The following B4GALNT2 variants were observed in gnomAD, a reference collection of about 807,000 sequenced individuals.
B4GALNT2 encodes the protein N-acetylneuraminylgalactosylglucosyl-glucoside beta-1,4-N- acetylgalactosaminyltransferase 2.
In B4GALNT2, 42 loss-of-function variants were observed where a neutral mutation model predicts 51.1. The ratio of observed to expected loss-of-function variants is 0.82; its 90% confidence interval spans 0.64 to 1.06. The LOEUF (loss-of-function observed/expected upper bound fraction) is 1.06, where lower values mean the gene tolerates loss of function less well. Among genes scored for constraint, B4GALNT2 ranks in the 50% least tolerant of loss-of-function variants. B4GALNT2 has a pLI of 0.00. For missense variants in B4GALNT2, 602 were observed against 633.6 expected (o/e 0.95, Z 0.54); for synonymous variants, 253 against 251.7 (o/e 1.01, Z -0.05).
At chr17:49,123,531 G>A in the B4GALNT2 span, among the ~76,000 whole-genome samples, 1 of 152,100 alleles carries the variant, frequency 6.6e-6, no homozygotes, top group Non-Finnish European at 1.5e-5. Context: ...ATCATGGTAG[G>A]AATGGCTTGT....
At chr17:49,141,107 C>T (rs2042639690) in intron 1 of B4GALNT2, 140 bp from the exon 2 acceptor site, 1 of 729,006 alleles carries the variant, frequency 1.4e-6, no homozygotes, top group Non-Finnish European at 2.3e-6. Context: ...CTTTCCTCCT[C>T]TGTTTATCAG....
In B4GALNT2 at chr17:49,132,934, C is replaced by A. The variant is rs1348012668; in HGVS notation, c.14+128C>A. On this transcript the variant is annotated intron_variant, in intron 1 of 10. Transcript: ENST00000393354. ...GCAGACGCCGGAGCCAGGGAGCGGGCGGTTGGAGTCTTAAGTCCAACCGGT... is the reference window on the plus strand; with the variant it reads ...GCAGACGCCGGAGCCAGGGAGCGGGAGGTTGGAGTCTTAAGTCCAACCGGT... 5 of 1,380,448 alleles carry A rather than the reference C, an allele frequency of 3.6e-6. No homozygotes were observed. The African/African-American group carries it at 4.6e-5, about 13-fold the overall frequency. 85.5% of individuals were successfully genotyped at this position (1,380,448 alleles called of 1,614,324 possible). A position where few individuals can be genotyped will look rare whatever the true frequency, so the allele number is the denominator to read the frequency against.
intron 9 of B4GALNT2, among the ~76,000 whole-genome samples, chr17:49,168,058 A>G (rs2042926998): frequency 6.6e-6 from 1 of 152,224 alleles, no homozygotes; most frequent in South Asian, 2.1e-4. Flanking sequence ...CAGAAGGGTC[A>G]TTTATTAAAA....
In B4GALNT2 at chr17:49,164,282, C is replaced by A. The variant is rs780698647; in HGVS notation, c.954+7C>A. Reference sequence around the variant, plus strand: ...CACTATGCCCTTTGGGAAGGTATGTCCCTCTCAGATTGGGTGGCACCTGCA... The same window carrying A: ...CACTATGCCCTTTGGGAAGGTATGTACCTCTCAGATTGGGTGGCACCTGCA... On this transcript the variant is annotated splice_region_variant and intron_variant, in intron 8 of 10. Coordinates refer to ENST00000393354, the MANE Select transcript of B4GALNT2 (RefSeq NM_001159387.2). 1 of 1,606,496 alleles carries A rather than the reference C, an allele frequency of 6.2e-7. No homozygotes were observed. Among genetic ancestry groups the A allele is most frequent in the Non-Finnish European group, 8.5e-7 (1 of 1,173,220 alleles).
intron 1 of B4GALNT2, among the ~76,000 whole-genome samples, chr17:49,134,987 T>A (rs2042577367): frequency 1.3e-5 from 2 of 152,244 alleles, no homozygotes; most frequent in Non-Finnish European, 2.9e-5. Context: ...AACCATGCCC[T>A]TGGACTTCCT....
At chr17:49,137,044 A>C (rs775348183) in intron 1 of B4GALNT2, among the ~76,000 whole-genome samples, 2 of 151,920 alleles carry the variant, frequency 1.3e-5, no homozygotes, top group Non-Finnish European at 2.9e-5. Flanking sequence ...ATGTCTGCTC[A>C]GTTCATTACC....
intron 5 of B4GALNT2, among the ~76,000 whole-genome samples, chr17:49,157,616 C>A (rs2042823200): frequency 6.6e-6 from 1 of 152,124 alleles, no homozygotes; most frequent in African/African-American, 2.4e-5. Flanking sequence ...CCGTGTCTGG[C>A]CCCTGGTTAC....
At chr17:49,137,258 C>A (rs2042599432) in intron 1 of B4GALNT2, among the ~76,000 whole-genome samples, 1 of 152,122 alleles carries the variant, frequency 6.6e-6, no homozygotes, top group African/African-American at 2.4e-5. Context: ...AACTTCATCC[C>A]CAATTAGACA....
rs1470286378 is a variant in B4GALNT2 at position 49,164,081 on chromosome 17, T to G, written c.767-7T>G. On this transcript the variant is annotated splice_region_variant and splice_polypyrimidine_tract_variant and intron_variant, in intron 7 of 10. Coordinates refer to ENST00000393354, the MANE Select transcript of B4GALNT2 (RefSeq NM_001159387.2). ...CAGAGCTCTGACACCCACTGTTTTC[T>G]GCCCAGAGAGGAAGCTCAGAAACCT... The G allele has an allele frequency of 1.2e-6, 2 of 1,613,100 alleles. No individual in the cohort carries two copies. The highest frequency in any genetic ancestry group is 1.7e-6 in the Non-Finnish European group (2 of 1,179,340).
At chr17:49,131,584 C>T (rs1377896455), upstream of B4GALNT2, among the ~76,000 whole-genome samples, 1 of 151,738 alleles carries the variant, frequency 6.6e-6, no homozygotes, top group Non-Finnish European at 1.5e-5. Flanking sequence ...CTCACTGCAA[C>T]CTCTGCCACC....
At chr17:49,153,801 C>G (rs1430196459) in intron 4 of B4GALNT2, among the ~76,000 whole-genome samples, 1 of 152,016 alleles carries the variant, frequency 6.6e-6, no homozygotes, top group East Asian at 1.9e-4. Context: ...AGCCACCGCG[C>G]CTGGCTTGAT....
intron 9 of B4GALNT2, among the ~76,000 whole-genome samples, chr17:49,166,965 C>T (rs528281800): frequency 6.6e-6 from 1 of 151,870 alleles, no homozygotes; most frequent in East Asian, 1.9e-4. Flanking sequence ...TGACACCTGT[C>T]TCAAAAAAAG....
chr17:49,174,166 T>C lies in B4GALNT2; in HGVS notation c.*4438T>C, dbSNP rs1414500269. On this transcript the variant is annotated 3_prime_UTR_variant, in exon 11 of 11. Transcript: ENST00000393354. ...GTCAGGAGCTATAATTAAACCAGCA[T>C]GAGAAATCAAATTTTGCAAGTGATC... 6.6e-6 allele frequency: 1 copy of C among 152,134 alleles called. No homozygotes were observed. Among genetic ancestry groups the C allele is most frequent in the Non-Finnish European group, 1.5e-5 (1 of 68,032 alleles). The allele number at this position is 152,134 out of a possible 1,614,324, so 9.4% of individuals were successfully genotyped here. A position where few individuals can be genotyped will look rare whatever the true frequency, so the allele number is the denominator to read the frequency against.
Position 49,155,418 on chromosome 17 carries a change from C to T in B4GALNT2, c.461-1148C>T, listed in dbSNP as rs562872710. Among the ~76,000 whole-genome samples the T allele has an allele frequency of 2.0e-5, 3 of 149,484 alleles. No individual in the cohort carries two copies. The East Asian group carries it at 5.9e-4, about 30-fold the overall frequency. On this transcript the variant is annotated intron_variant, in intron 4 of 10. Transcript: ENST00000393354. ...AGGAGTTTGAAACCAGCCTGACCAA[C>T]ATGGTGAAACCCCATCTCCACTAAA...
At position 49,175,962 on chromosome 17, in the gene B4GALNT2, C is replaced by A. The variant is rs769298901; in HGVS notation, c.*6234C>A. 1 of 152,222 alleles carries A rather than the reference C, an allele frequency of 6.6e-6. No homozygotes were observed. Among genetic ancestry groups the A allele is most frequent in the Non-Finnish European group, 1.5e-5 (1 of 68,038 alleles). The allele number at this position is 152,222 out of a possible 1,614,324, so 9.4% of individuals were successfully genotyped here. ...AGCAAACAAACCTGCTGTGTCATCT[C>A]TTCTGTTACTTTGTTATACTTTCCT... On this transcript the variant is annotated 3_prime_UTR_variant, in exon 11 of 11. Coordinates refer to ENST00000393354, the MANE Select transcript of B4GALNT2 (RefSeq NM_001159387.2).
chr17:49,165,094 G>T (rs771861230), intron 8 of B4GALNT2, among the ~76,000 whole-genome samples: 1 of 152,222 alleles, frequency 6.6e-6, no homozygotes, highest in South Asian at 2.1e-4. Flanking sequence ...GATTACAGGC[G>T]TGAGCCACTG....
chr17:49,154,520 G>A (rs2042789498), intron 4 of B4GALNT2, among the ~76,000 whole-genome samples: 1 of 151,404 alleles, frequency 6.6e-6, no homozygotes, highest in Non-Finnish European at 1.5e-5. Flanking sequence ...CTGCTTGTGG[G>A]CTCATGGCTT....
rs188850477 is a variant in B4GALNT2 at position 49,135,214 on chromosome 17, T to C, written c.14+2408T>C. On this transcript the variant is annotated intron_variant, in intron 1 of 10. Transcript: ENST00000393354. ...AGATAGTGCAAACTCAAATTACACA[T>C]ACACACACAGAGTATTTCTGAGCTT... Among the ~76,000 whole-genome samples the C allele has an allele frequency of 7.7e-4, 117 of 152,352 alleles. 2 individuals are homozygous for C. The highest frequency in any genetic ancestry group is 2.6e-3 in the African/African-American group (107 of 41,576).
At chr17:49,128,641 A>G (rs1220396686), upstream of B4GALNT2, among the ~76,000 whole-genome samples, 1 of 152,088 alleles carries the variant, frequency 6.6e-6, no homozygotes, top group Non-Finnish European at 1.5e-5. Context: ...TAAAGTTGTC[A>G]TTGTCCCTGA....
Sources: allele counts gnomAD v4.1 joint callset (sites outside exome capture counted in the v4.1 genomes callset), GRCh38; gene constraint gnomAD v4.1.1; transcripts MANE v1.5; gene names NCBI Gene and HGNC (gene_info 2026-07-23, HGNC 2026-07-21).